LRP1B: variants seen among roughly 807,000 people sequenced by gnomAD.
The protein encoded by LRP1B is LDL receptor related protein 1B.
LRP1B carries 217 observed loss-of-function variants against 556.6 expected under a neutral mutation model. The ratio of observed to expected loss-of-function variants is 0.39; its 90% confidence interval spans 0.35 to 0.44. The LOEUF is 0.44. Ranked by LOEUF, LRP1B falls within the 20% of genes least tolerant of loss-of-function variation. LRP1B has a pLI of 1.00. For synonymous variants in LRP1B, 2,047 were observed against 1,865.8 expected (o/e 1.10, Z -2.50); for missense variants, 5,053 against 5,620.8 (o/e 0.90, Z 3.23).
intron 11 of LRP1B, among the ~76,000 whole-genome samples, chr2:141,022,577 G>A (rs1463477078): frequency 6.6e-6 from 1 of 151,850 alleles, no homozygotes; most frequent in Admixed American, 6.6e-5. Flanking sequence ...TCTTATGTAC[G>A]TTTGATATTT....
chr2:140,930,354 T>A (rs998868690), intron 20 of LRP1B, among the ~76,000 whole-genome samples: 1 of 152,044 alleles, frequency 6.6e-6, no homozygotes, highest in African/African-American at 2.4e-5. Context: ...CTGAAGGAAA[T>A]ATGGCAACTG....
At chr2:141,515,926 T>C (rs941836891) in intron 2 of LRP1B, among the ~76,000 whole-genome samples, 2 of 152,206 alleles carry the variant, frequency 1.3e-5, no homozygotes, top group Non-Finnish European at 2.9e-5. Context: ...AAAACTTACA[T>C]TCAGCTTTTG....
At chr2:141,301,807 C>G (rs1279111606) in intron 3 of LRP1B, among the ~76,000 whole-genome samples, 1 of 152,162 alleles carries the variant, frequency 6.6e-6, no homozygotes, top group African/African-American at 2.4e-5. Context: ...AGCATTTTCA[C>G]TAACATCCAC....
In LRP1B at chr2:140,370,826, T is replaced by G. The variant is rs745404040; in HGVS notation, c.10892A>C (p.Glu3631Ala). 32 of 1,612,380 alleles carry G rather than the reference T, an allele frequency of 2.0e-5. No homozygotes were observed. Among genetic ancestry groups the G allele is most frequent in the Non-Finnish European group, 4.2e-6 (5 of 1,178,974 alleles). ...DGSDEMDCVT[E>A]CKEDQFRCKN... ...GCACCGAAACTGATCTTCCTTACATTCAGTCACACAGTCCATCTGTTCAAA... is the reference window on the plus strand; with the variant it reads ...GCACCGAAACTGATCTTCCTTACATGCAGTCACACAGTCCATCTGTTCAAA... Residue 3631 changes from glutamate (E) to alanine (A), a missense_variant, in exon 71 of 91, where the codon GAA becomes GCA. Around this residue, in one of 5 missense-constraint regions of LRP1B, gnomAD observed 599 missense variants for 648.4 expected, o/e 0.92. Transcript: ENST00000389484.
chr2:141,231,329 T>C (rs966499931), intron 5 of LRP1B, among the ~76,000 whole-genome samples: 18 of 152,316 alleles, frequency 1.2e-4, no homozygotes, highest in South Asian at 2.1e-4. Context: ...TGAATATGAT[T>C]TGGGGCCTCC....
chr2:140,721,985 C>A (rs754271568), intron 35 of LRP1B, among the ~76,000 whole-genome samples: 1 of 152,022 alleles, frequency 6.6e-6, no homozygotes, highest in Non-Finnish European at 1.5e-5. Flanking sequence ...AGATATAGAT[C>A]ACTGATAGCA....
intron 37 of LRP1B, among the ~76,000 whole-genome samples, chr2:140,710,494 TTATTA>T (rs1204807770): frequency 3.9e-5 from 6 of 152,004 alleles, no homozygotes; most frequent in African/African-American, 1.4e-4. Context: ...TTGCATATAT[TTATTA>T]TATTTTTATA....
chr2:141,179,437 T>A (rs1680895054), intron 7 of LRP1B, among the ~76,000 whole-genome samples: 1 of 152,068 alleles, frequency 6.6e-6, no homozygotes, highest in South Asian at 2.1e-4. Context: ...AACATTACCA[T>A]GGCTATATTC....
At chr2:142,006,363 G>A (rs917982645) in intron 1 of LRP1B, among the ~76,000 whole-genome samples, 1 of 152,196 alleles carries the variant, frequency 6.6e-6, no homozygotes, top group African/African-American at 2.4e-5. Context: ...CAAGCAGTGT[G>A]TCATACTTCT....
intron 41 of LRP1B, among the ~76,000 whole-genome samples, chr2:140,642,034 T>C (rs530352242): frequency 9.9e-5 from 15 of 152,236 alleles, no homozygotes; most frequent in South Asian, 2.1e-4. Context: ...CAGATAACCA[T>C]TGATGATTCT....
At chr2:141,190,515 G>T (rs1681462021) in intron 6 of LRP1B, among the ~76,000 whole-genome samples, 1 of 151,800 alleles carries the variant, frequency 6.6e-6, no homozygotes, top group Non-Finnish European at 1.5e-5. Context: ...AAAGGTTATG[G>T]TTTTATTGCC....
At chr2:141,242,939 C>T (rs577453424) in intron 5 of LRP1B, among the ~76,000 whole-genome samples, 2 of 152,086 alleles carry the variant, frequency 1.3e-5, no homozygotes, top group Non-Finnish European at 2.9e-5. Flanking sequence ...CTGCTTTCAG[C>T]CCCAAGTTTT....
At chr2:140,764,074 T>C (rs1246360478) in intron 35 of LRP1B, among the ~76,000 whole-genome samples, 4 of 152,190 alleles carry the variant, frequency 2.6e-5, no homozygotes, top group Non-Finnish European at 5.9e-5. Flanking sequence ...TAAAGAATTC[T>C]TTCTATAATT....
chr2:141,446,382 T>C (rs1224375360), intron 3 of LRP1B, among the ~76,000 whole-genome samples: 1 of 152,222 alleles, frequency 6.6e-6, no homozygotes, highest in Non-Finnish European at 1.5e-5. Flanking sequence ...GTCTGTGTCT[T>C]TTAATTGGGG....
At chr2:141,982,822 G>A (rs909373518) in intron 1 of LRP1B, among the ~76,000 whole-genome samples, 6 of 152,072 alleles carry the variant, frequency 3.9e-5, no homozygotes, top group Non-Finnish European at 8.8e-5. Context: ...CTGAAAAGTT[G>A]TATGAATAAA....
chr2:140,775,336 C>G (rs944312229), intron 33 of LRP1B, among the ~76,000 whole-genome samples: 3 of 151,922 alleles, frequency 2.0e-5, no homozygotes, highest in Non-Finnish European at 2.9e-5. Flanking sequence ...ACCCCAAATC[C>G]TTTAGATGAA....
intron 18 of LRP1B, among the ~76,000 whole-genome samples, chr2:140,973,337 T>C (rs1277965883): frequency 6.6e-6 from 1 of 151,944 alleles, no homozygotes; most frequent in East Asian, 1.9e-4. Flanking sequence ...TCTTTGAATT[T>C]ACACAAAACT....
intron 12 of LRP1B, 115 bp downstream of exon 12, chr2:141,019,807 T>C (rs954354824): frequency 2.8e-6 from 2 of 724,176 alleles, no homozygotes; most frequent in Admixed American, 3.2e-5. Context: ...CTAAGACCAT[T>C]TGTGTGGAAA....
intron 2 of LRP1B, among the ~76,000 whole-genome samples, chr2:141,606,060 T>C (rs1174489846): frequency 6.6e-6 from 1 of 152,216 alleles, no homozygotes; most frequent in Non-Finnish European, 1.5e-5. Context: ...ATGTCTTTCA[T>C]ACACGTCCGT....
Sources: allele counts gnomAD v4.1 joint callset (sites outside exome capture counted in the v4.1 genomes callset), GRCh38; gene constraint gnomAD v4.1.1; regional missense constraint gnomAD v4.1.1; transcripts MANE v1.5; gene names NCBI Gene and HGNC (gene_info 2026-07-23, HGNC 2026-07-21).